The following ARHGAP45 variants were observed in gnomAD, a reference collection of about 807,000 sequenced individuals.
ARHGAP45 encodes Rho GTPase activating protein 45.
In ARHGAP45, 56 loss-of-function variants were observed where a neutral mutation model predicts 116.1. The ratio of observed to expected loss-of-function variants is 0.48; its 90% CI spans 0.39 to 0.60. The LOEUF (loss-of-function observed/expected upper bound fraction) is 0.60, where lower values mean the gene tolerates loss of function less well. Ranked by LOEUF, ARHGAP45 falls within the 20% of genes least tolerant of loss-of-function variation. The pLI is 0.00. For synonymous variants in ARHGAP45, 866 were observed against 701.7 expected (o/e 1.23, Z -3.70); for missense variants, 1,622 against 1,601.0 (o/e 1.01, Z -0.22).
At chr19:1,085,283 G>A (rs564183779) in intron 22 of ARHGAP45, among the ~76,000 whole-genome samples, 6 of 152,040 alleles carry the variant, frequency 3.9e-5, no homozygotes, top group South Asian at 2.1e-4. Context: ...TGAAACCCAC[G>A]TACTATCATG....
chr19:1,071,238 C>T lies in ARHGAP45; in HGVS notation c.422-1911C>T, dbSNP rs2043135087. On this transcript the variant is annotated intron_variant, in intron 2 of 22. Transcript: ENST00000313093. This position sits in a 1 kb window ranked among gnomAD's most constrained non-coding sequence, Gnocchi z 4.6. Reference sequence around the variant, plus strand: ...TTGGCCACCGGAGACCCCCATCGGTCAGCTGCCAGGCCCCACGCGCTCGCG... The same window carrying T: ...TTGGCCACCGGAGACCCCCATCGGTTAGCTGCCAGGCCCCACGCGCTCGCG... The T allele has an allele frequency of 1.4e-6, 2 of 1,469,652 alleles. No individual in the cohort carries two copies. The highest frequency in any genetic ancestry group is 6.1e-5 in the East Asian group (2 of 32,892). 91.0% of individuals were successfully genotyped at this position (1,469,652 alleles called of 1,614,324 possible).
chr19:1,067,731 G>A, intron 1 of ARHGAP45: 1 of 685,910 alleles, frequency 1.5e-6, no homozygotes, highest in Non-Finnish European at 2.7e-6. Context: ...GCTGGCCGCG[G>A]GGCCCAGGGA....
rs770837389 is a variant in ARHGAP45 at position 1,079,869 on chromosome 19, G to C, written c.1512+29G>C. ...CGTGGGGTGCTCCGGCCGCCCGGGC[G>C]GGGATGGTGGACCGGGCGGCCTCCT... is the stretch of plus-strand genomic sequence containing the variant. On this transcript the variant is annotated intron_variant, in intron 12 of 22. Coordinates refer to ENST00000313093, the MANE Select transcript of ARHGAP45 (RefSeq NM_012292.5). 6 of 1,593,262 alleles carry C rather than the reference G, an allele frequency of 3.8e-6. No individual in the cohort carries two copies. The Admixed American group carries it at 8.6e-5, about 23-fold the overall frequency.
chr19:1,073,010 G>C, intron 2 of ARHGAP45, 139 bp from the exon 3 acceptor site: 1 of 1,043,286 alleles, frequency 9.6e-7, no homozygotes. Flanking sequence ...GTCTCGAAAT[G>C]AGCCCCAGGC....
At chr19:1,076,363 G>A (rs1053545767) in intron 10 of ARHGAP45, among the ~76,000 whole-genome samples, 1 of 151,832 alleles carries the variant, frequency 6.6e-6, no homozygotes. Flanking sequence ...AGAGAACTTA[G>A]GCCTTAATCA....
In ARHGAP45 at chr19:1,086,008, C is replaced by T. The variant is rs1351918857; in HGVS notation, c.*2C>T. The T allele has an allele frequency of 1.9e-6, 3 of 1,609,408 alleles. No homozygotes were observed. The highest frequency in any genetic ancestry group is 4.5e-5 in the East Asian group (2 of 44,856). On this transcript the variant is annotated 3_prime_UTR_variant, in exon 23 of 23. Transcript: ENST00000313093. ...GAAAGGCAGCCGGAATTCGTGTGAG[C>T]TGGGGTGGGGCTGGGACCACAGGTG...
Position 1,068,279 on chromosome 19 carries a change from G to C in ARHGAP45, c.91-135G>C, listed in dbSNP as rs1225480226. The C allele has an allele frequency of 1.4e-6, 1 of 706,996 alleles. No individual in the cohort carries two copies. Among genetic ancestry groups the C allele is most frequent in the Admixed American group, 3.1e-5 (1 of 32,028 alleles). The allele number at this position is 706,996 out of a possible 1,614,324, so 43.8% of individuals were successfully genotyped here. ...GGGTACACTACCAAATCTCGGCCCT[G>C]TGACCTCTGGCCTTTGACCCCTGTG... On this transcript the variant is annotated intron_variant, in intron 1 of 22. Transcript: ENST00000313093. The surrounding 1 kb of genome is among the most constrained non-coding windows in gnomAD (Gnocchi z 7.5).
Position 1,071,276 on chromosome 19 carries a change from C to G in ARHGAP45, c.422-1873C>G. 2 of 1,479,516 alleles carry G rather than the reference C, an allele frequency of 1.4e-6. No homozygotes were observed. Among genetic ancestry groups the G allele is most frequent in the Non-Finnish European group, 1.8e-6 (2 of 1,120,036 alleles). The allele number at this position is 1,479,516 out of a possible 1,614,324, so 91.6% of individuals were successfully genotyped here. On this transcript the variant is annotated intron_variant, in intron 2 of 22. Transcript: ENST00000313093. This position sits in a 1 kb window ranked among gnomAD's most constrained non-coding sequence, Gnocchi z 4.6. The stretch of plus-strand genomic sequence containing the variant: ...CCACGCGCTCGCGGTCTCCGCGCCC[C>G]GACGGCTGCGCCATGTGTATCTGCG...
rs543818278 is a variant in ARHGAP45, at chr19:1,075,582, G to T, written c.1185+703G>T. Among the ~76,000 whole-genome samples the T allele has an allele frequency of 5.3e-5, 8 of 151,734 alleles. No homozygotes were observed. The East Asian group carries it at 1.6e-3, about 29-fold the overall frequency. ...GTATTCTCTTCCCACTTCGCTTTTG[G>T]GTTATTTCAAAGACGCCGGCGCCTT... On this transcript the variant is annotated intron_variant, in intron 10 of 22. Transcript: ENST00000313093.
At chr19:1,070,845 T>C (rs2043126591) in intron 2 of ARHGAP45, among the ~76,000 whole-genome samples, 1 of 152,152 alleles carries the variant, frequency 6.6e-6, no homozygotes. Flanking sequence ...GCGGCTAGGA[T>C]GTGGGCTCTA....
At position 1,080,002 on chromosome 19, in the gene ARHGAP45, G is replaced by T; in HGVS notation, c.1587G>T (p.Glu529Asp). The change falls in exon 13 of 23, where the codon GAG becomes GAT. Residue 529 changes from glutamate (E) to aspartate (D), a missense_variant. This residue lies in a region of ARHGAP45 where 1,334 missense variants were observed against 1,263.8 expected (regional missense o/e 1.06). Transcript: ENST00000313093. ...PLPVHFQMLC[E>D]SSKLYDPGQQ... The stretch of plus-strand genomic sequence containing the variant: ...CCGTGCACTTCCAGATGCTGTGTGA[G>T]AGCAGCAAGCTGTATGACCCAGGCC... The T allele has an allele frequency of 6.2e-7, 1 of 1,612,966 alleles. No individual in the cohort carries two copies. Among genetic ancestry groups the T allele is most frequent in the Non-Finnish European group, 8.5e-7 (1 of 1,179,928 alleles).
chr19:1,073,942 C>A lies in ARHGAP45; in HGVS notation c.724-6C>A. On this transcript the variant is annotated splice_region_variant and splice_polypyrimidine_tract_variant and intron_variant, in intron 5 of 22. Transcript: ENST00000313093. Reference sequence around the variant, plus strand: ...GGCTGGTCTCACCTGCGTCTCCGTCCTACAGTCCATGGAAAGCCTGTATGG... The same window carrying A: ...GGCTGGTCTCACCTGCGTCTCCGTCATACAGTCCATGGAAAGCCTGTATGG... 1 of 1,566,492 alleles carries A rather than the reference C, an allele frequency of 6.4e-7. No individual in the cohort carries two copies.
chr19:1,074,311 C>T (rs942440025), intron 7 of ARHGAP45, 32 bp from the exon 8 acceptor site: 2 of 1,611,706 alleles, frequency 1.2e-6, no homozygotes, highest in Non-Finnish European at 1.7e-6. Flanking sequence ...AAGGCCTTGT[C>T]CCAGCACCTC....
chr19:1,073,880 C>A (rs1235852791), intron 5 of ARHGAP45, 68 bp from the exon 6 acceptor site: 1 of 1,531,538 alleles, frequency 6.5e-7, no homozygotes, highest in Admixed American at 2.0e-5. Context: ...CAGCAACCGT[C>A]CCCTGAAGGG....
At position 1,074,897 on chromosome 19, in the gene ARHGAP45, G is replaced by A; in HGVS notation, c.1185+18G>A. The A allele has an allele frequency of 1.4e-6, 2 of 1,464,910 alleles. No individual in the cohort carries two copies. The highest frequency in any genetic ancestry group is 1.8e-6 in the Non-Finnish European group (2 of 1,087,114). 90.7% of individuals were successfully genotyped at this position (1,464,910 alleles called of 1,614,324 possible). ...GGAAGCTGGTGAGGCGGGCGGGCGG[G>A]GGCGGGCGGGGGCGGGCAGCGGGCC... On this transcript the variant is annotated intron_variant, in intron 10 of 22. Coordinates refer to ENST00000313093, the MANE Select transcript of ARHGAP45 (RefSeq NM_012292.5).
rs200678452 is a variant in ARHGAP45 at position 1,074,700 on chromosome 19, C to G, written c.1080C>G (p.Thr360=). Residue 360 remains threonine, a synonymous_variant, in exon 9 of 23, where the codon ACC becomes ACG. Coordinates refer to ENST00000313093, the MANE Select transcript of ARHGAP45 (RefSeq NM_012292.5). ...FGHSMVQAVG[T]LQTQTFMQPL... Reference sequence around the variant, plus strand: ...ACAGCATGGTGCAGGCGGTGGGCACCTTGCAGACCCAGACCTTCATGCAGG... The same window carrying G: ...ACAGCATGGTGCAGGCGGTGGGCACGTTGCAGACCCAGACCTTCATGCAGG... 2.1e-5 allele frequency: 34 copies of G among 1,609,854 alleles called. No homozygotes were observed. The highest frequency in any genetic ancestry group is 2.8e-5 in the Non-Finnish European group (33 of 1,179,076).
At chr19:1,084,368 C>T (rs1252612040) in intron 22 of ARHGAP45, 22 bp downstream of exon 22, 6 of 1,586,496 alleles carry the variant, frequency 3.8e-6, no homozygotes, top group African/African-American at 1.4e-5. Flanking sequence ...GCTGCCCGAA[C>T]GGCCCCAAGG....
chr19:1,076,531 C>T (rs1215906369), intron 10 of ARHGAP45, among the ~76,000 whole-genome samples: 1 of 115,106 alleles, frequency 8.7e-6, no homozygotes, highest in Non-Finnish European at 1.6e-5. Context: ...GAGCCTCACT[C>T]TGTTGCCCAG....
chr19:1,067,586 G>A (rs934362035), intron 1 of ARHGAP45, 91 bp downstream of exon 1: 6 of 1,251,520 alleles, frequency 4.8e-6, no homozygotes, highest in East Asian at 5.0e-5. Context: ...CTGGGGCGGC[G>A]GCTGGGGGCT....
Sources: gnomAD v4.1 joint callset for allele counts (sites outside exome capture counted in the v4.1 genomes callset) on GRCh38, gnomAD v4.1.1 for gene constraint, gnomAD v4.1.1 regional missense constraint, Gnocchi (gnomAD v3.1) non-coding constraint, MANE v1.5 for transcripts, NCBI Gene and HGNC (gene_info 2026-07-23, HGNC 2026-07-21) for gene names.